The following SPDYA variants were observed in gnomAD, a reference collection of about 807,000 sequenced individuals.
SPDYA encodes the protein speedy protein A.
A neutral mutation model predicts 36.7 loss-of-function variants in SPDYA; 11 were observed. The observed-to-expected ratio is 0.30, with a 90% CI of 0.19 to 0.50. The LOEUF is 0.50. SPDYA is among the 20% of genes least tolerant of loss of function. SPDYA has a pLI of 0.98. For missense variants in SPDYA, 287 were observed against 370.9 expected (o/e 0.77, Z 1.86); for synonymous variants, 115 against 118.7 (o/e 0.97, Z 0.20).
In SPDYA at chr2:28,840,324, A is replaced by G; in HGVS notation, c.705A>G (p.Arg235=). 6.2e-7 allele frequency: 1 copy of G among 1,611,146 alleles called. No individual in the cohort carries two copies. Among genetic ancestry groups the G allele is most frequent in the Middle Eastern group, 1.7e-4 (1 of 6,044 alleles). The change falls in exon 7 of 8, where the codon AGA becomes AGG. Residue 235 remains arginine, a synonymous_variant. Coordinates refer to ENST00000334056, the MANE Select transcript of SPDYA (RefSeq NM_182756.4). ...ATTGTTCACTCTGTGGTAAAAAAAGAAGATATGTTAGACTGGGATTGTCTT... is the reference window on the plus strand; with the variant it reads ...ATTGTTCACTCTGTGGTAAAAAAAGGAGATATGTTAGACTGGGATTGTCTT... ...PVDCSLCGKK[R]RYVRLGLSSS... is the part of the protein sequence containing the mutation.
intron 4 of SPDYA, among the ~76,000 whole-genome samples, chr2:28,819,902 A>T (rs1430669211): frequency 1.3e-4 from 13 of 103,394 alleles, no homozygotes; most frequent in East Asian, 2.8e-4. Context: ...ATATATATAT[A>T]TTTTATCCTG....
intron 7 of SPDYA, among the ~76,000 whole-genome samples, chr2:28,844,971 T>C (rs1668835193): frequency 6.6e-6 from 1 of 152,148 alleles, no homozygotes; most frequent in Non-Finnish European, 1.5e-5. Context: ...TTTTTAAAAA[T>C]AGAGATGGGG....
intron 7 of SPDYA, among the ~76,000 whole-genome samples, chr2:28,846,772 C>CACAT (rs1553317165): frequency 7.4e-6 from 1 of 134,872 alleles, no homozygotes; most frequent in African/African-American, 2.8e-5. Flanking sequence ...CACACACACA[C>CACAT]AAAGGGAAGT....
chr2:28,847,599 A>G (rs1224906660), intron 7 of SPDYA, among the ~76,000 whole-genome samples: 3 of 151,626 alleles, frequency 2.0e-5, no homozygotes, highest in African/African-American at 7.3e-5. Context: ...TACAAAAATT[A>G]GCCGGGCGTG....
In SPDYA at chr2:28,850,071, T is replaced by A. The variant is rs1361096911; in HGVS notation, c.*130T>A. The stretch of plus-strand genomic sequence containing the variant: ...ATCTTTTAGTTGTTATTTTCAAAAT[T>A]ATATGTATAAGTTATATAAGTCATA... On this transcript the variant is annotated 3_prime_UTR_variant, in exon 8 of 8. Coordinates refer to ENST00000334056, the MANE Select transcript of SPDYA (RefSeq NM_182756.4). The A allele has an allele frequency of 6.9e-6, 8 of 1,165,356 alleles. No homozygotes were observed. The East Asian group carries it at 1.5e-4, about 22-fold the overall frequency. The allele number at this position is 1,165,356 out of a possible 1,614,324, so 72.2% of individuals were successfully genotyped here. A position where few individuals can be genotyped will look rare whatever the true frequency, so the allele number is the denominator to read the frequency against.
intron 1 of SPDYA, among the ~76,000 whole-genome samples, chr2:28,813,506 T>A (rs555163694): frequency 6.6e-6 from 1 of 152,138 alleles, no homozygotes; most frequent in African/African-American, 2.4e-5. Context: ...GATAACTCCA[T>A]ACTAGAATTT....
At chr2:28,816,348 A>T in intron 3 of SPDYA, 99 bp downstream of exon 3, 1 of 930,030 alleles carries the variant, frequency 1.1e-6, no homozygotes, top group East Asian at 3.1e-5. Flanking sequence ...GGATATCATT[A>T]TTTTTGTATT....
rs752026715 is a variant in SPDYA, at chr2:28,823,748, AT to A, written c.380+1353del. ...ATATATATATATATATATATATAAA[AT>A]TTTTTTTTTTTTTTGAGATGGAGTC... is the stretch of plus-strand genomic sequence containing the variant. On this transcript the variant is annotated intron_variant, in intron 5 of 7. Transcript: ENST00000334056. Among the ~76,000 whole-genome samples, 285 of 48,230 alleles carry A rather than the reference AT, an allele frequency of 5.9e-3. 12 individuals carry two copies. Among genetic ancestry groups the A allele is most frequent in the Non-Finnish European group, 7.9e-3 (196 of 24,710 alleles). The allele number at this position is 48,230 out of a possible 152,430, so 31.6% of individuals were successfully genotyped here.
chr2:28,834,681 AC>A (rs1442857315), intron 6 of SPDYA, among the ~76,000 whole-genome samples: 2 of 152,356 alleles, frequency 1.3e-5, no homozygotes, highest in Admixed American at 1.3e-4. Context: ...AAATTCAAAG[AC>A]AGAAAGTAGA....
chr2:28,815,283 AAC>A (rs55773017), intron 2 of SPDYA, among the ~76,000 whole-genome samples: 28,561 of 136,606 alleles, frequency 0.21, 3,348 homozygotes, highest in East Asian at 0.58. Flanking sequence ...CCCTGTCTGA[AAC>A]ACACACACAC....
chr2:28,827,358 T>A (rs1005547276), intron 5 of SPDYA, among the ~76,000 whole-genome samples: 3 of 152,244 alleles, frequency 2.0e-5, no homozygotes, highest in Admixed American at 2.0e-4. Context: ...AATTTCATTA[T>A]AAAATTTTCC....
intron 6 of SPDYA, among the ~76,000 whole-genome samples, chr2:28,831,229 A>G (rs1245502301): frequency 1.3e-5 from 2 of 152,050 alleles, no homozygotes; most frequent in African/African-American, 4.8e-5. Flanking sequence ...GTGGTGGTGC[A>G]CACCTGTAGT....
intron 6 of SPDYA, among the ~76,000 whole-genome samples, chr2:28,831,917 C>T (rs572506145): frequency 9.2e-5 from 14 of 152,278 alleles, no homozygotes; most frequent in African/African-American, 3.1e-4. Flanking sequence ...TCTTTTCTTG[C>T]TTTCTCAAGG....
rs1668188452 is a variant in SPDYA at position 28,822,313 on chromosome 2, T to C, written c.295-12T>C. Reference sequence around the variant, plus strand: ...AAACATTAATATTAATTTTTAACTTTTTTCCTTATAGTATCTTTTGGCTAT... The same window carrying C: ...AAACATTAATATTAATTTTTAACTTCTTTCCTTATAGTATCTTTTGGCTAT... On this transcript the variant is annotated splice_polypyrimidine_tract_variant and intron_variant, in intron 4 of 7. Transcript: ENST00000334056. 7.1e-7 allele frequency: 1 copy of C among 1,402,164 alleles called. No homozygotes were observed. 86.9% of individuals were successfully genotyped at this position (1,402,164 alleles called of 1,614,324 possible).
intron 7 of SPDYA, among the ~76,000 whole-genome samples, chr2:28,848,262 C>T (rs1485249691): frequency 6.6e-6 from 1 of 152,226 alleles, no homozygotes; most frequent in Non-Finnish European, 1.5e-5. Context: ...CAGATCTAAA[C>T]ATGTCACCCC....
At chr2:28,816,982 A>G (rs1667999407) in intron 3 of SPDYA, among the ~76,000 whole-genome samples, 1 of 150,912 alleles carries the variant, frequency 6.6e-6, no homozygotes, top group South Asian at 2.1e-4. Flanking sequence ...AGTCTGGTAG[A>G]TTGTAGCTTG....
intron 6 of SPDYA, among the ~76,000 whole-genome samples, chr2:28,833,526 C>G (rs1464819765): frequency 6.6e-6 from 1 of 152,124 alleles, no homozygotes; most frequent in Non-Finnish European, 1.5e-5. Context: ...AGAGTAGTAT[C>G]TCCCTCCATG....
intron 4 of SPDYA, among the ~76,000 whole-genome samples, chr2:28,819,847 AAAATATATATATATATATATATATAT>A (rs1668103169): frequency 1.0e-4 from 2 of 19,532 alleles, no homozygotes; most frequent in African/African-American, 2.5e-4. Flanking sequence ...AAAAAAAAAA[AAAATATATATATATATATATATATAT>A]ATATATATAT....
Position 28,816,018 on chromosome 2 carries a change from A to C in SPDYA, c.4A>C (p.Arg2=). 5 of 1,602,748 alleles carry C rather than the reference A, an allele frequency of 3.1e-6. No homozygotes were observed. Among genetic ancestry groups the C allele is most frequent in the Non-Finnish European group, 4.2e-6 (5 of 1,176,666 alleles). ...ACAGGAATATTGGGAAACCAAAATG[A>C]GGCACAATCAGATGTGTTGTGAGAC... M[R]HNQMCCETPP... Residue 2 remains arginine (R), a synonymous_variant, in exon 3 of 8, where the codon AGG becomes CGG. Coordinates refer to ENST00000334056, the MANE Select transcript of SPDYA (RefSeq NM_182756.4).
Sources: allele counts gnomAD v4.1 joint callset (sites outside exome capture counted in the v4.1 genomes callset), GRCh38; gene constraint gnomAD v4.1.1; transcripts MANE v1.5; gene names NCBI Gene and HGNC (gene_info 2026-07-23, HGNC 2026-07-21).